ZNF638: variants seen among roughly 807,000 people sequenced by gnomAD.
ZNF638 encodes the protein zinc finger protein 638.
ZNF638 carries 46 observed loss-of-function variants against 195.6 expected under a neutral mutation model. The observed-to-expected ratio is 0.24, with a 90% CI of 0.19 to 0.30. The LOEUF is 0.30. ZNF638 is among the 10% of genes least tolerant of loss of function. The pLI, the probability that ZNF638 is intolerant of heterozygous loss-of-function variation, is 1.00. For synonymous variants in ZNF638, 845 were observed against 772.0 expected, an observed-to-expected ratio of 1.09 and a Z score of -1.57; for missense variants, 2,440 against 2,325.3, an observed-to-expected ratio of 1.05 and a Z score of -1.01.
intron 1 of ZNF638, among the ~76,000 whole-genome samples, chr2:71,332,425 T>A (rs1440452207): frequency 6.6e-6 from 1 of 152,008 alleles, no homozygotes; most frequent in Admixed American, 6.6e-5. Flanking sequence ...GGAGGGGGTG[T>A]CGGGATGAAG....
At chr2:71,342,248 T>A (rs72839781) in intron 1 of ZNF638, among the ~76,000 whole-genome samples, 1 of 146,148 alleles carries the variant, frequency 6.8e-6, no homozygotes. Context: ...GTCATACTAA[T>A]ATTTAGGACT....
rs1370308274 is a variant in ZNF638 at position 71,348,783 on chromosome 2, A to G, written c.-172A>G. ...TGTTATTCTTGGAAAATTTCGCACC[A>G]CTTGTGAATTCCTTGAACCTGGGCA... On this transcript the variant is annotated 5_prime_UTR_variant, in exon 2 of 28. Coordinates refer to ENST00000264447, the MANE Select transcript of ZNF638 (RefSeq NM_014497.5). 10 of 1,552,980 alleles carry G rather than the reference A, an allele frequency of 6.4e-6. No homozygotes were observed. The highest frequency in any genetic ancestry group is 1.7e-4 in the Middle Eastern group (1 of 6,016).
rs1258777290 is a variant in ZNF638, at chr2:71,376,547, A to G, written c.2266-3675A>G. On this transcript the variant is annotated intron_variant, in intron 8 of 27. Transcript: ENST00000264447. ...CTAGGAAGAAGAAGAGCTGTGCTAT[A>G]GCTTTCTTGGTCCAAATCTTGATTT... Among the ~76,000 whole-genome samples the G allele has an allele frequency of 1.1e-4, 17 of 152,170 alleles. 1 individual carries two copies. The highest frequency in any genetic ancestry group is 1.9e-4 in the East Asian group (1 of 5,190).
chr2:71,348,237 C>CATAAGTGTA (rs2078884658), intron 1 of ZNF638, among the ~76,000 whole-genome samples: 1 of 152,148 alleles, frequency 6.6e-6, no homozygotes, highest in African/African-American at 2.4e-5. Flanking sequence ...ATAATAGGAA[C>CATAAGTGTA]ATAAGTGTAG....
chr2:71,386,964 C>T (rs755867001), intron 10 of ZNF638, among the ~76,000 whole-genome samples: 2 of 151,982 alleles, frequency 1.3e-5, no homozygotes, highest in South Asian at 2.1e-4. Flanking sequence ...TCTTCCACCT[C>T]ATCCTCCTGA....
intron 19 of ZNF638, 182 bp from the exon 20 acceptor site, chr2:71,407,940 T>G: frequency 2.0e-6 from 1 of 501,040 alleles, no homozygotes; most frequent in Non-Finnish European, 3.5e-6. Flanking sequence ...ACAGTTGGGT[T>G]GCTTCTCCCT....
At chr2:71,399,991 C>T in intron 13 of ZNF638, 121 bp from the exon 14 acceptor site, 1 of 727,270 alleles carries the variant, frequency 1.4e-6, no homozygotes, top group South Asian at 2.9e-5. Flanking sequence ...AGATGTTTGG[C>T]TTATGTCAGG....
intron 8 of ZNF638, among the ~76,000 whole-genome samples, chr2:71,372,378 A>G (rs1007662507): frequency 2.0e-5 from 3 of 152,158 alleles, no homozygotes; most frequent in Non-Finnish European, 4.4e-5. Context: ...CCTTCAGTGC[A>G]TGGGTGCTGG....
chr2:71,393,382 C>T lies in ZNF638; in HGVS notation c.2378-2759C>T, dbSNP rs368865363. The T allele has an allele frequency of 1.0e-4, 73 of 717,616 alleles. 1 individual carries two copies. The highest frequency in any genetic ancestry group is 9.3e-4 in the South Asian group (63 of 67,546). 44.5% of individuals were successfully genotyped at this position (717,616 alleles called of 1,614,324 possible). A position where few individuals can be genotyped will look rare whatever the true frequency, so the allele number is the denominator to read the frequency against. Reference sequence around the variant, plus strand: ...GGGGAAGATGATATGCTTGTGTTCACACCCCCCTCAGGCCCTCTTTGGATT... The same window carrying T: ...GGGGAAGATGATATGCTTGTGTTCATACCCCCCTCAGGCCCTCTTTGGATT... On this transcript the variant is annotated intron_variant, in intron 10 of 27. Transcript: ENST00000264447.
intron 8 of ZNF638, 48 bp downstream of exon 8, chr2:71,370,053 T>G (rs1245903323): frequency 6.3e-7 from 1 of 1,576,336 alleles, no homozygotes; most frequent in Non-Finnish European, 8.6e-7. Flanking sequence ...TGTTTTAGTT[T>G]AACTTTTTTG....
intron 17 of ZNF638, 76 bp downstream of exon 17, chr2:71,404,074 A>G (rs965424983): frequency 4.2e-6 from 6 of 1,440,362 alleles, no homozygotes; most frequent in Middle Eastern, 2.2e-4. Flanking sequence ...TATGTTTTCT[A>G]GTTTTCCACT....
At chr2:71,410,980 A>AC (rs1215256972) in intron 20 of ZNF638, among the ~76,000 whole-genome samples, 164 of 42,566 alleles carry the variant, frequency 3.9e-3, no homozygotes, top group African/African-American at 5.3e-3. Flanking sequence ...CCCACCCACC[A>AC]CCTCCCCCCC....
At chr2:71,342,034 A>C (rs1274783367) in intron 1 of ZNF638, among the ~76,000 whole-genome samples, 1 of 151,970 alleles carries the variant, frequency 6.6e-6, no homozygotes, top group Non-Finnish European at 1.5e-5. Flanking sequence ...AATATTTTCC[A>C]CCAAAAGGTG....
intron 2 of ZNF638, among the ~76,000 whole-genome samples, chr2:71,351,546 C>G (rs894458400): frequency 6.6e-6 from 1 of 152,020 alleles, no homozygotes; most frequent in Non-Finnish European, 1.5e-5. Flanking sequence ...CTGGGCATAC[C>G]ACATAATTTT....
At chr2:71,399,670 G>GT in intron 13 of ZNF638, 25 bp downstream of exon 13, 1 of 1,567,472 alleles carries the variant, frequency 6.4e-7, no homozygotes, top group Non-Finnish European at 8.7e-7. Context: ...TGGTCATTCA[G>GT]TGCTTTGTTT....
In ZNF638 at chr2:71,428,593, A is replaced by G. The variant is rs781185183; in HGVS notation, c.5592A>G (p.Ser1864=). 1 of 1,614,126 alleles carries G rather than the reference A, an allele frequency of 6.2e-7. No homozygotes were observed. The highest frequency in any genetic ancestry group is 8.5e-7 in the Non-Finnish European group (1 of 1,179,992). ...TTAGAATTGGGAAAACTCTGCCATC[A>G]GAAAAAGCTGTTGTGACAGAACCAG... is the stretch of plus-strand genomic sequence containing the variant. The part of the protein sequence containing the change: ...KRVRIGKTLP[S]EKAVVTEPAK... Residue 1864 remains serine (S), a synonymous_variant, in exon 25 of 28, where the codon TCA becomes TCG. Transcript: ENST00000264447.
At chr2:71,333,639 G>T (rs1393954034) in intron 1 of ZNF638, among the ~76,000 whole-genome samples, 1 of 152,202 alleles carries the variant, frequency 6.6e-6, no homozygotes, top group Non-Finnish European at 1.5e-5. Context: ...AAGAAAATGA[G>T]ACAAGTAGTT....
At position 71,418,624 on chromosome 2, in the gene ZNF638, A is replaced by C. The variant is rs1351478242; in HGVS notation, c.3284A>C (p.Glu1095Ala). The C allele has an allele frequency of 1.9e-6, 3 of 1,564,452 alleles. No homozygotes were observed. Among genetic ancestry groups the C allele is most frequent in the Non-Finnish European group, 2.6e-6 (3 of 1,155,828 alleles). ...LPEVQIEHDPELEKESPGLKN... is the reference protein window; with the variant it reads ...LPEVQIEHDPALEKESPGLKN... Reference sequence around the variant, plus strand: ...CAGGTGCAAATTGAGCATGACCCAGAATTAGAAAAAGAAAGGTATGTTGCT... The same window carrying C: ...CAGGTGCAAATTGAGCATGACCCAGCATTAGAAAAAGAAAGGTATGTTGCT... The change falls in exon 21 of 28, where the codon GAA becomes GCA. Residue 1095 changes from glutamate to alanine, a missense_variant. Coordinates refer to ENST00000264447, the MANE Select transcript of ZNF638 (RefSeq NM_014497.5).
rs762881231 is a variant in ZNF638, at chr2:71,422,892, G to A, written c.3378G>A (p.Glu1126=). The A allele has an allele frequency of 2.6e-5, 42 of 1,613,950 alleles. No individual in the cohort carries two copies. Among genetic ancestry groups the A allele is most frequent in the Non-Finnish European group, 3.5e-5 (41 of 1,179,982 alleles). The change falls in exon 22 of 28, where the codon GAG becomes GAA. Residue 1126 remains glutamate (E), a synonymous_variant. Coordinates refer to ENST00000264447, the MANE Select transcript of ZNF638 (RefSeq NM_014497.5). The part of the protein sequence containing the change: ...ATDSPSVKPN[E]LEEESTPSIQ... ...ATAGTCCCTCTGTTAAACCTAATGA[G>A]CTTGAAGAAGAAAGTACTCCCAGCA...
Sources: allele counts gnomAD v4.1 joint callset (sites outside exome capture counted in the v4.1 genomes callset), GRCh38; gene constraint gnomAD v4.1.1; transcripts MANE v1.5; gene names NCBI Gene and HGNC (gene_info 2026-07-23, HGNC 2026-07-21).